The following TEKT5 variants were observed in gnomAD, a reference collection of about 807,000 sequenced individuals.
TEKT5 encodes tektin 5, also known as tektin-5.
In TEKT5, 52 loss-of-function variants were observed where a neutral mutation model predicts 48.7. The ratio of observed to expected loss-of-function variants is 1.07; its 90% CI spans 0.86 to 1.35. The LOEUF is 1.35. Ranked by LOEUF, TEKT5 falls within the 40% of genes most tolerant of loss-of-function variation. The pLI, the probability that TEKT5 is intolerant of heterozygous loss-of-function variation, is 0.00. For missense variants in TEKT5, 831 were observed against 641.6 expected (o/e 1.30, Z -3.19); for synonymous variants, 318 against 267.6 (o/e 1.19, Z -1.84).
chr16:10,694,681 G>A lies in TEKT5; in HGVS notation c.193C>T (p.Pro65Ser). ...CGCAGGGTACTGGTGCTCTCGTCCG[G>A]GCAGGTCTGGACGTTGGCTATCTTG... ...FYKIANVQTC[P>S]DESTSTLRPP... Residue 65 changes from proline (P) to serine (S), a missense_variant, in exon 1 of 7, where the codon CCG becomes TCG. Physicochemically the swap from Pro to Ser is moderately conservative, Grantham distance 74. Coordinates refer to ENST00000283025, the MANE Select transcript of TEKT5 (RefSeq NM_144674.2). The A allele has an allele frequency of 6.2e-7, 1 of 1,613,468 alleles. No homozygotes were observed. Among genetic ancestry groups the A allele is most frequent in the Non-Finnish European group, 8.5e-7 (1 of 1,179,640 alleles).
intron 4 of TEKT5, among the ~76,000 whole-genome samples, chr16:10,677,372 G>T (rs1170942606): frequency 6.8e-6 from 1 of 147,396 alleles, no homozygotes. Context: ...CACTTTGGGA[G>T]CCCGAGGCGG....
At chr16:10,639,215 G>A (rs1897957073) in intron 5 of TEKT5, among the ~76,000 whole-genome samples, 1 of 152,136 alleles carries the variant, frequency 6.6e-6, no homozygotes, top group Non-Finnish European at 1.5e-5. Context: ...GCTGAGGATG[G>A]AGAACTGTTT....
chr16:10,664,952 C>T (rs1898433727), intron 5 of TEKT5, among the ~76,000 whole-genome samples: 1 of 152,116 alleles, frequency 6.6e-6, no homozygotes, highest in South Asian at 2.1e-4. Context: ...TCCCATTTGA[C>T]AGAGGAAAAA....
At chr16:10,652,451 A>AACAC (rs572277672) in intron 5 of TEKT5, among the ~76,000 whole-genome samples, 4,074 of 66,624 alleles carry the variant, frequency 0.061, 194 homozygotes, top group Non-Finnish European at 0.074. Flanking sequence ...TACACAGGCA[A>AACAC]ACACACACAC....
At chr16:10,669,273 GGTTAAA>G (rs1898514140) in intron 5 of TEKT5, among the ~76,000 whole-genome samples, 2 of 150,648 alleles carry the variant, frequency 1.3e-5, no homozygotes, top group African/African-American at 4.9e-5. Context: ...TGGCCACCAT[GGTTAAA>G]CCCTATCTCT....
chr16:10,686,367 G>A (rs1898862014), intron 3 of TEKT5, among the ~76,000 whole-genome samples: 1 of 151,682 alleles, frequency 6.6e-6, no homozygotes, highest in South Asian at 2.1e-4. Context: ...CGAAGCAGGA[G>A]AATCACTTGA....
At chr16:10,692,414 C>G (rs1898995913) in intron 1 of TEKT5, among the ~76,000 whole-genome samples, 1 of 152,194 alleles carries the variant, frequency 6.6e-6, no homozygotes, top group Admixed American at 6.5e-5. Context: ...CCTACGGAAG[C>G]CCCTGTAGCT....
chr16:10,649,476 C>T (rs1898120189), intron 5 of TEKT5, among the ~76,000 whole-genome samples: 1 of 151,398 alleles, frequency 6.6e-6, no homozygotes, highest in Non-Finnish European at 1.5e-5. Context: ...CTCTGTCACC[C>T]AGGCTGGAGT....
intron 5 of TEKT5, among the ~76,000 whole-genome samples, chr16:10,663,669 G>T (rs760654433): frequency 1.3e-5 from 2 of 152,210 alleles, no homozygotes; most frequent in Non-Finnish European, 2.9e-5. Flanking sequence ...TTTGAGCCCA[G>T]ATATATCTCA....
At chr16:10,654,940 CCCCA>C in intron 5 of TEKT5, among the ~76,000 whole-genome samples, 1 of 55,258 alleles carries the variant, frequency 1.8e-5, no homozygotes, top group African/African-American at 6.5e-5. Context: ...CCCTCCCCTC[CCCCA>C]CCCCCCCCCC....
intron 5 of TEKT5, among the ~76,000 whole-genome samples, chr16:10,648,677 T>C (rs1898108043): frequency 1.3e-5 from 2 of 152,188 alleles, no homozygotes; most frequent in East Asian, 3.8e-4. Flanking sequence ...AGTTACCTCC[T>C]TGTCAATTCT....
intron 2 of TEKT5, among the ~76,000 whole-genome samples, chr16:10,689,651 G>C (rs1238779546): frequency 6.6e-6 from 1 of 151,454 alleles, no homozygotes; most frequent in East Asian, 1.9e-4. Flanking sequence ...CATATGATGT[G>C]GTACAGCCTA....
intron 5 of TEKT5, among the ~76,000 whole-genome samples, chr16:10,657,612 T>C (rs908318813): frequency 6.7e-6 from 1 of 150,180 alleles, no homozygotes; most frequent in Admixed American, 6.6e-5. Flanking sequence ...TTCCCTGAGA[T>C]GGAGTCTCGC....
chr16:10,690,582 G>T (rs1442142368), intron 1 of TEKT5: 2 of 985,254 alleles, frequency 2.0e-6, no homozygotes, highest in East Asian at 1.1e-4. Context: ...TGAGAACACT[G>T]CCCCTAAATA....
At chr16:10,657,589 A>ATT (rs57853009) in intron 5 of TEKT5, among the ~76,000 whole-genome samples, 1 of 141,792 alleles carries the variant, frequency 7.1e-6, no homozygotes. Flanking sequence ...TCCCCTTTCA[A>ATT]TTTTTTTTTT....
At chr16:10,666,835 G>A (rs539777659) in intron 5 of TEKT5, among the ~76,000 whole-genome samples, 2 of 152,242 alleles carry the variant, frequency 1.3e-5, no homozygotes, top group East Asian at 1.9e-4. Flanking sequence ...ATACTGATGC[G>A]GGTGTGTTTT....
chr16:10,644,151 T>C (rs1898035174), intron 5 of TEKT5, among the ~76,000 whole-genome samples: 1 of 152,360 alleles, frequency 6.6e-6, no homozygotes, highest in African/African-American at 2.4e-5. Context: ...TTCTAATGGA[T>C]GGCACTAGTC....
chr16:10,662,853 C>G (rs925820695), intron 5 of TEKT5, among the ~76,000 whole-genome samples: 1 of 152,184 alleles, frequency 6.6e-6, no homozygotes, highest in Non-Finnish European at 1.5e-5. Context: ...CTAATAATAA[C>G]CCCTTCTTCA....
chr16:10,690,851 G>C (rs1205670806), intron 1 of TEKT5: 2 of 907,298 alleles, frequency 2.2e-6, no homozygotes, highest in African/African-American at 1.8e-5. Context: ...AGGATGTCAA[G>C]GTCTGGATGT....
Sources: allele counts gnomAD v4.1 joint callset (sites outside exome capture counted in the v4.1 genomes callset), GRCh38; gene constraint gnomAD v4.1.1; transcripts MANE v1.5; gene names NCBI Gene and HGNC (gene_info 2026-07-23, HGNC 2026-07-21).